The following AK9 variants were observed in gnomAD, a reference collection of about 807,000 sequenced individuals.
AK9 encodes the protein adenylate kinase domain containing 1.
Under a neutral mutation model 239.6 loss-of-function variants are expected in AK9, and 191 were observed. The observed-to-expected ratio is 0.80, with a 90% CI of 0.71 to 0.90. AK9 has a LOEUF of 0.90. AK9 is among the 40% of genes least tolerant of loss of function. AK9 has a pLI of 0.00. For missense variants in AK9, 1,995 were observed against 2,214.7 expected, an observed-to-expected ratio of 0.90 and a Z score of 1.99; for synonymous variants, 689 against 721.0, an observed-to-expected ratio of 0.96 and a Z score of 0.71.
chr6:109,493,914 A>T, intron 40 of AK9, 67 bp downstream of exon 40: 1 of 1,217,154 alleles, frequency 8.2e-7, no homozygotes, highest in Non-Finnish European at 1.2e-6. Flanking sequence ...TAACAATCCT[A>T]TTCATCACTT....
chr6:109,496,149 T>C (rs1303714748), intron 38 of AK9, among the ~76,000 whole-genome samples: 2 of 152,236 alleles, frequency 1.3e-5, no homozygotes, highest in African/African-American at 4.8e-5. Flanking sequence ...GATCCACATG[T>C]ATTTTATTTT....
At chr6:109,523,777 G>C (rs1298741476) in intron 29 of AK9, among the ~76,000 whole-genome samples, 1 of 152,172 alleles carries the variant, frequency 6.6e-6, no homozygotes. Context: ...ACTCTGGCTA[G>C]CCTGTGAACC....
In AK9 at chr6:109,633,224, C is replaced by T. The variant is rs200088189; in HGVS notation, c.1033G>A (p.Asp345Asn). Residue 345 changes from aspartate (D) to asparagine (N), a missense_variant, in exon 11 of 41, where the codon GAT becomes AAT. Physicochemically the swap from Asp to Asn is conservative, Grantham distance 23 (BLOSUM62 1). This residue lies in a region of AK9 where 1,290 missense variants were observed against 1,392.7 expected (regional missense o/e 0.93). Transcript: ENST00000424296. ...GGTAATCCTGAATAAATGTTACCATCTTTTAAATTCACAGGACATGTACGT... is the reference window on the plus strand; with the variant it reads ...GGTAATCCTGAATAAATGTTACCATTTTTTAAATTCACAGGACATGTACGT... ...WGRTCPVNLK[D>N]GNIYSGLPDY... 7.8e-5 allele frequency: 125 copies of T among 1,603,474 alleles called. 1 individual carries two copies. In the South Asian group the frequency reaches 8.8e-4, roughly 11 times the overall value.
At chr6:109,638,128 T>C (rs1466474019) in intron 10 of AK9, among the ~76,000 whole-genome samples, 2 of 152,260 alleles carry the variant, frequency 1.3e-5, no homozygotes, top group African/African-American at 4.8e-5. Context: ...ATACAGCTTA[T>C]GAACTACAAC....
intron 9 of AK9, among the ~76,000 whole-genome samples, chr6:109,643,241 G>A (rs1481870256): frequency 6.6e-6 from 1 of 152,150 alleles, no homozygotes; most frequent in Non-Finnish European, 1.5e-5. Context: ...GGTGATCTTG[G>A]CAAGAGCATG....
chr6:109,661,397 G>T (rs946755215), intron 6 of AK9, among the ~76,000 whole-genome samples: 1 of 151,996 alleles, frequency 6.6e-6, no homozygotes, highest in Non-Finnish European at 1.5e-5. Context: ...TTTTACTTTA[G>T]TTCACCAAAC....
chr6:109,516,635 A>G lies in AK9; in HGVS notation c.3641T>C (p.Val1214Ala). Residue 1214 changes from valine to alanine, a missense_variant, in exon 30 of 41, where the codon GTT (valine) becomes GCT (alanine). By Grantham distance (64) the Val-to-Ala change is moderately conservative. This residue lies in a region of AK9 where 1,290 missense variants were observed against 1,392.7 expected (regional missense o/e 0.93). Transcript: ENST00000424296. ...CTCACTAATCTCTTCATCATCTCTAACAACATTCTAAGGAAGAAAATATTC... is the reference window on the plus strand; with the variant it reads ...CTCACTAATCTCTTCATCATCTCTAGCAACATTCTAAGGAAGAAAATATTC... ...ERDKKRRENV[V>A]RDDEEISEEE... is the part of the protein sequence containing the mutation. 6.5e-7 allele frequency: 1 copy of G among 1,548,226 alleles called. No homozygotes were observed. The highest frequency in any genetic ancestry group is 8.7e-7 in the Non-Finnish European group (1 of 1,145,692).
At chr6:109,512,795 G>A (rs989897693) in intron 32 of AK9, among the ~76,000 whole-genome samples, 2 of 152,180 alleles carry the variant, frequency 1.3e-5, no homozygotes, top group African/African-American at 4.8e-5. Flanking sequence ...AAAGTCCAAA[G>A]TTACACAAAA....
intron 20 of AK9, among the ~76,000 whole-genome samples, chr6:109,573,959 G>A (rs1787749654): frequency 1.3e-5 from 2 of 152,102 alleles, no homozygotes; most frequent in Non-Finnish European, 2.9e-5. Flanking sequence ...TGGCTATTGA[G>A]TACTTGAAAT....
chr6:109,646,097 A>G (rs1798025566), intron 8 of AK9, among the ~76,000 whole-genome samples: 1 of 152,218 alleles, frequency 6.6e-6, no homozygotes, highest in African/African-American at 2.4e-5. Context: ...AGTCACCATC[A>G]TCAAAGACCA....
At chr6:109,676,542 A>G (rs1468277046) in intron 1 of AK9, among the ~76,000 whole-genome samples, 1 of 152,100 alleles carries the variant, frequency 6.6e-6, no homozygotes, top group Non-Finnish European at 1.5e-5. Context: ...TTATGTAAAC[A>G]GTAAAATAGC....
intron 8 of AK9, among the ~76,000 whole-genome samples, chr6:109,650,421 GAT>G (rs1322777972): frequency 6.6e-6 from 1 of 151,944 alleles, no homozygotes; most frequent in Non-Finnish European, 1.5e-5. Context: ...GTGGGCAAAG[GAT>G]ATGAACAGAC....
At chr6:109,639,635 A>C (rs2128284186) in intron 10 of AK9, among the ~76,000 whole-genome samples, 1 of 152,314 alleles carries the variant, frequency 6.6e-6, no homozygotes, top group South Asian at 2.1e-4. Context: ...TTTGCTGGGC[A>C]GAAGCTCTTT....
At position 109,531,338 on chromosome 6, in the gene AK9, A is replaced by G. The variant is rs906233180; in HGVS notation, c.3570+1913T>C. ...TGTCAGCCAAGAAAGCTCTGAACTG[A>G]GATAGAGTTATTGGGTGAGGAAAGG... On this transcript the variant is annotated intron_variant, in intron 28 of 40. Transcript: ENST00000424296. Among the ~76,000 whole-genome samples the G allele has an allele frequency of 3.2e-4, 49 of 151,988 alleles. 1 individual carries two copies. Among genetic ancestry groups the G allele is most frequent in the Admixed American group, 3.2e-3 (49 of 15,252 alleles).
chr6:109,554,905 C>T (rs1387261725), intron 24 of AK9, among the ~76,000 whole-genome samples: 1 of 152,078 alleles, frequency 6.6e-6, no homozygotes, highest in East Asian at 1.9e-4. Context: ...TTTGATTCCT[C>T]TCTCTCAGTA....
Position 109,644,822 on chromosome 6 carries a change from T to C in AK9, c.760-134A>G, listed in dbSNP as rs1797844106. On this transcript the variant is annotated intron_variant, in intron 8 of 40. Coordinates refer to ENST00000424296, the MANE Select transcript of AK9 (RefSeq NM_001145128.3). ...CTTATACATGCTATAATGTATGTTA[T>C]TTTCAATGCTCAAGAGATCTTTTGC... is the stretch of plus-strand genomic sequence containing the variant. The C allele has an allele frequency of 7.0e-6, 4 of 573,996 alleles. No individual in the cohort carries two copies. The South Asian group carries it at 1.5e-4, about 22-fold the overall frequency. 35.6% of individuals were successfully genotyped at this position (573,996 alleles called of 1,614,324 possible).
rs1207272802 is a variant in AK9, at chr6:109,517,008, C to T, written c.3634-366G>A. ...TTCTGCGTTCCTTCATTGGTGAAGC[C>T]TCTGTGCTTGAGTTCCTTGGTGGTA... On this transcript the variant is annotated intron_variant, in intron 29 of 40. Coordinates refer to ENST00000424296, the MANE Select transcript of AK9 (RefSeq NM_001145128.3). 6.6e-5 allele frequency among the ~76,000 whole-genome samples: 10 copies of T among 151,970 alleles called. No individual in the cohort carries two copies. In the East Asian group the frequency reaches 1.9e-3, roughly 29 times the overall value.
intron 1 of AK9, 40 bp from the exon 2 acceptor site, chr6:109,675,796 T>C: frequency 7.9e-7 from 1 of 1,266,800 alleles, no homozygotes; most frequent in East Asian, 2.5e-5. Flanking sequence ...TTGTCTAATT[T>C]GGTTGGATGA....
Position 109,585,932 on chromosome 6 carries a change from T to C in AK9, c.1983A>G (p.Ser661=). The stretch of plus-strand genomic sequence containing the variant: ...TTTACCAACCATTGTTTTCTGTATC[T>C]GATAAATAGATGACCAAATCAGGTA... ...GIIPDLVIYL[S]DTENNGKCLF... The change falls in exon 18 of 41, where the codon TCA becomes TCG. Residue 661 remains serine (S), a synonymous_variant. Coordinates refer to ENST00000424296, the MANE Select transcript of AK9 (RefSeq NM_001145128.3). 6.5e-7 allele frequency: 1 copy of C among 1,541,820 alleles called. No homozygotes were observed. The highest frequency in any genetic ancestry group is 1.4e-5 in the African/African-American group (1 of 72,662).
Sources: allele counts gnomAD v4.1 joint callset (sites outside exome capture counted in the v4.1 genomes callset), GRCh38; gene constraint gnomAD v4.1.1; regional missense constraint gnomAD v4.1.1; transcripts MANE v1.5; gene names NCBI Gene and HGNC (gene_info 2026-07-23, HGNC 2026-07-21).